Variants in BRD10 observed in about 807,000 individuals in gnomAD.
The protein encoded by BRD10 is uncharacterized bromodomain-containing protein 10.
chr9:5,993,967 G>T, the BRD10 span, among the ~76,000 whole-genome samples: 1 of 152,134 alleles, frequency 6.6e-6, no homozygotes, highest in Non-Finnish European at 1.5e-5. Context: ...ATATTTGATA[G>T]ATAAGCATCA....
the BRD10 span, among the ~76,000 whole-genome samples, chr9:5,996,615 G>C: frequency 6.6e-6 from 1 of 152,218 alleles, no homozygotes; most frequent in East Asian, 1.9e-4. Flanking sequence ...ATAGGCATGA[G>C]CTACCATGCC....
At chr9:5,976,290 T>C in the BRD10 span, among the ~76,000 whole-genome samples, 23 of 152,242 alleles carry the variant, frequency 1.5e-4, no homozygotes, top group African/African-American at 4.3e-4. Context: ...CTGTGTACTT[T>C]ACCATGAAAC....
the BRD10 span, among the ~76,000 whole-genome samples, chr9:5,896,221 C>T: frequency 3.3e-5 from 5 of 152,232 alleles, no homozygotes; most frequent in African/African-American, 1.2e-4. Flanking sequence ...TCATTCCTAA[C>T]TCCGAGGACT....
chr9:5,982,159 T>C, the BRD10 span, among the ~76,000 whole-genome samples: 6 of 152,206 alleles, frequency 3.9e-5, no homozygotes, highest in East Asian at 1.2e-3. Flanking sequence ...AATTAAAACA[T>C]TAAAAATGCA....
At chr9:5,920,277 C>T in the BRD10 span, 1 of 1,613,962 alleles carries the variant, frequency 6.2e-7, no homozygotes, top group South Asian at 1.1e-5. Context: ...ACATGGCTGC[C>T]AGCTCCAAGA....
chr9:5,969,949 G>C, the BRD10 span, among the ~76,000 whole-genome samples: 6 of 152,106 alleles, frequency 3.9e-5, no homozygotes, highest in Non-Finnish European at 5.9e-5. Flanking sequence ...TTTGATGGAG[G>C]ATTGCTGACA....
At chr9:5,910,894 G>A in the BRD10 span, among the ~76,000 whole-genome samples, 1 of 152,282 alleles carries the variant, frequency 6.6e-6, no homozygotes, top group Admixed American at 6.5e-5. Context: ...GATGCAAGGA[G>A]CCTGGGTCAT....
the BRD10 span, among the ~76,000 whole-genome samples, chr9:5,990,245 T>C: frequency 6.6e-6 from 1 of 152,264 alleles, no homozygotes; most frequent in Non-Finnish European, 1.5e-5. Flanking sequence ...TGAATGGGTG[T>C]ACTTTAATTT....
chr9:5,994,591 T>C, the BRD10 span, among the ~76,000 whole-genome samples: 6 of 152,342 alleles, frequency 3.9e-5, no homozygotes, highest in African/African-American at 1.4e-4. Context: ...TGTAACATAA[T>C]TCAACTTCTT....
chr9:5,882,075 G>T, the BRD10 span, among the ~76,000 whole-genome samples: 3 of 152,134 alleles, frequency 2.0e-5, no homozygotes, highest in Non-Finnish European at 2.9e-5. Flanking sequence ...TTAGATGTGC[G>T]ACCCCATTCT....
At chr9:5,968,161 C>CT in the BRD10 span, 6 of 1,599,752 alleles carry the variant, frequency 3.8e-6, no homozygotes, top group Admixed American at 1.7e-5. Context: ...CTTTCAATTT[C>CT]TTTTTTTTCT....
At chr9:5,950,344 A>G in the BRD10 span, among the ~76,000 whole-genome samples, 1 of 152,244 alleles carries the variant, frequency 6.6e-6, no homozygotes, top group South Asian at 2.1e-4. Context: ...AAAATGGCTA[A>G]AACAGTAAGC....
chr9:5,914,976 C>T, the BRD10 span, among the ~76,000 whole-genome samples: 10 of 152,098 alleles, frequency 6.6e-5, no homozygotes, highest in Non-Finnish European at 1.5e-4. Flanking sequence ...AAGAGAACCC[C>T]GCCAAGCCCA....
At chr9:5,968,567 T>C in the BRD10 span, 2 of 1,613,936 alleles carry the variant, frequency 1.2e-6, no homozygotes, top group Non-Finnish European at 8.5e-7. Context: ...GTCATGATTA[T>C]CCAAGATCAT....
At chr9:5,897,744 C>T in the BRD10 span, 3 of 1,119,722 alleles carry the variant, frequency 2.7e-6, no homozygotes, top group Admixed American at 5.1e-5. Flanking sequence ...CAGATAATTG[C>T]CTCATTATAA....
At chr9:5,914,398 C>G in the BRD10 span, among the ~76,000 whole-genome samples, 1 of 121,012 alleles carries the variant, frequency 8.3e-6, no homozygotes, top group Non-Finnish European at 1.7e-5. Flanking sequence ...TGGTGTTTTA[C>G]AAATCCAGAT....
At chr9:5,895,169 A>C in the BRD10 span, among the ~76,000 whole-genome samples, 1 of 152,218 alleles carries the variant, frequency 6.6e-6, no homozygotes, top group Non-Finnish European at 1.5e-5. Flanking sequence ...AGCTTCCAGC[A>C]CAATGAAACA....
At chr9:5,953,491 C>T in the BRD10 span, among the ~76,000 whole-genome samples, 1 of 151,984 alleles carries the variant, frequency 6.6e-6, no homozygotes, top group African/African-American at 2.4e-5. Context: ...TTTCAATTAA[C>T]CTTTACTTAA....
the BRD10 span, among the ~76,000 whole-genome samples, chr9:5,973,173 C>A: frequency 6.6e-6 from 1 of 152,152 alleles, no homozygotes. Context: ...AATTCAAATA[C>A]ATGACAACAA....
Sources: allele counts gnomAD v4.1 joint callset (sites outside exome capture counted in the v4.1 genomes callset), GRCh38; gene constraint gnomAD v4.1.1; transcripts MANE v1.5; gene names NCBI Gene and HGNC (gene_info 2026-07-23, HGNC 2026-07-21).